The following LIMCH1 variants were observed in gnomAD, a reference collection of about 807,000 sequenced individuals.
The protein encoded by LIMCH1 is LIM and calponin homology domains 1.
Under a neutral mutation model 176.5 loss-of-function variants are expected in LIMCH1, and 113 were observed. That is an observed-to-expected ratio of 0.64 (90% CI 0.55 to 0.75). The LOEUF (loss-of-function observed/expected upper bound fraction) is 0.75, where lower values mean the gene tolerates loss of function less well. Among genes scored for constraint, LIMCH1 ranks in the 30% least tolerant of loss-of-function variants. LIMCH1 has a pLI of 0.00. For missense variants in LIMCH1, 1,674 were observed against 1,814.9 expected (o/e 0.92, Z 1.41); for synonymous variants, 619 against 645.9 (o/e 0.96, Z 0.63).
At chr4:41,413,609 A>G (rs543384073) in intron 1 of LIMCH1, among the ~76,000 whole-genome samples, 1 of 151,524 alleles carries the variant, frequency 6.6e-6, no homozygotes, top group East Asian at 1.9e-4. Flanking sequence ...GTGTCCTGGG[A>G]TAATAGATGT....
At chr4:41,531,554 T>TA (rs2077318704) in intron 3 of LIMCH1, among the ~76,000 whole-genome samples, 1 of 150,584 alleles carries the variant, frequency 6.6e-6, no homozygotes, top group African/African-American at 2.5e-5. Flanking sequence ...CAAACCTCTC[T>TA]ATGCCCAGTG....
chr4:41,479,463 A>G (rs2068237502), intron 1 of LIMCH1, among the ~76,000 whole-genome samples: 1 of 152,166 alleles, frequency 6.6e-6, no homozygotes, highest in Admixed American at 6.5e-5. Context: ...TGTGTTGCCC[A>G]GGCTCGTCGA....
chr4:41,431,148 G>A (rs992618895), intron 1 of LIMCH1, among the ~76,000 whole-genome samples: 15 of 152,188 alleles, frequency 9.9e-5, no homozygotes, highest in African/African-American at 3.6e-4. Flanking sequence ...TGGGTTATGG[G>A]TTGTGTCCTA....
intron 27 of LIMCH1, among the ~76,000 whole-genome samples, 177 bp downstream of exon 27, chr4:41,684,695 G>A (rs1271028977): frequency 6.6e-6 from 1 of 152,020 alleles, no homozygotes; most frequent in Non-Finnish European, 1.5e-5. Flanking sequence ...GACTCTATAG[G>A]AACTTGCTGG....
chr4:41,427,673 G>A (rs1581994363), intron 1 of LIMCH1, among the ~76,000 whole-genome samples: 1 of 152,168 alleles, frequency 6.6e-6, no homozygotes, highest in African/African-American at 2.4e-5. Context: ...CTTTTGCCAG[G>A]AGACCTTTGC....
intron 1 of LIMCH1, among the ~76,000 whole-genome samples, chr4:41,405,244 G>A (rs1197698253): frequency 6.6e-6 from 1 of 152,084 alleles, no homozygotes; most frequent in African/African-American, 2.4e-5. Flanking sequence ...AACTATCCCA[G>A]TCTATTAGCA....
intron 1 of LIMCH1, among the ~76,000 whole-genome samples, chr4:41,447,942 C>T (rs1245526050): frequency 6.6e-6 from 1 of 152,154 alleles, no homozygotes; most frequent in Non-Finnish European, 1.5e-5. Flanking sequence ...AGGCATGCAC[C>T]ACCACGCCTG....
chr4:41,409,857 G>C (rs1428260960), intron 1 of LIMCH1, among the ~76,000 whole-genome samples: 1 of 152,106 alleles, frequency 6.6e-6, no homozygotes, highest in Non-Finnish European at 1.5e-5. Context: ...GTCACAAGTT[G>C]ATTGAATTGA....
intron 1 of LIMCH1, among the ~76,000 whole-genome samples, chr4:41,587,612 T>C (rs2086709774): frequency 6.6e-6 from 1 of 152,164 alleles, no homozygotes; most frequent in Admixed American, 6.5e-5. Flanking sequence ...GTGGGTCAGC[T>C]GCATCCCCAC....
At chr4:41,375,524 T>C (rs1181919746) in intron 1 of LIMCH1, among the ~76,000 whole-genome samples, 1 of 152,260 alleles carries the variant, frequency 6.6e-6, no homozygotes, top group African/African-American at 2.4e-5. Flanking sequence ...TAAATTAAAG[T>C]ATCCAATACC....
intron 20 of LIMCH1, 150 bp downstream of exon 20, chr4:41,663,134 C>CGTGTGTGTGTGTGTGTGTGTGT (rs60475434): frequency 5.7e-5 from 23 of 406,562 alleles, no homozygotes; most frequent in African/African-American, 1.4e-4. Context: ...TTTTCTTTTT[C>CGTGTGTGTGTGTGTGTGTGTGT]GTGTGTGTGT....
intron 20 of LIMCH1, among the ~76,000 whole-genome samples, chr4:41,664,825 G>C (rs2094766271): frequency 2.6e-5 from 4 of 152,178 alleles, no homozygotes; most frequent in African/African-American, 9.7e-5. Context: ...GACTTCTTCA[G>C]TTTGTTCGTG....
In LIMCH1 at chr4:41,582,213, G is replaced by A. The variant is rs998812586; in HGVS notation, c.-240-16707G>A. Among the ~76,000 whole-genome samples, 5 of 152,304 alleles carry A rather than the reference G, an allele frequency of 3.3e-5. No homozygotes were observed. In the East Asian group the frequency reaches 7.7e-4, roughly 23 times the overall value. On this transcript the variant is annotated intron_variant, in intron 1 of 31. Coordinates refer to ENST00000503057, the MANE Select transcript of LIMCH1 (RefSeq NM_001330672.2). Reference sequence around the variant, plus strand: ...GGTAACTCATGGAATAATGGAAAACGAAGCCACAGGCTTTAACCGTAACCC... The same window carrying A: ...GGTAACTCATGGAATAATGGAAAACAAAGCCACAGGCTTTAACCGTAACCC...
intron 29 of LIMCH1, 45 bp from the exon 30 acceptor site, chr4:41,689,482 A>G: frequency 9.8e-7 from 1 of 1,020,708 alleles, no homozygotes. Flanking sequence ...TTGACCAGGT[A>G]TTCTAAACTG....
intron 21 of LIMCH1, chr4:41,670,600 C>A: frequency 1.6e-6 from 1 of 626,696 alleles, no homozygotes; most frequent in Non-Finnish European, 2.7e-6. Context: ...TTTACTGACT[C>A]TCAATTCTGG....
intron 1 of LIMCH1, among the ~76,000 whole-genome samples, chr4:41,395,009 G>C (rs1266247237): frequency 6.6e-6 from 1 of 152,174 alleles, no homozygotes; most frequent in East Asian, 1.9e-4. Context: ...CTGAACTGCA[G>C]ATGAATTTAA....
intron 1 of LIMCH1, among the ~76,000 whole-genome samples, chr4:41,421,330 A>G (rs1264338589): frequency 6.6e-6 from 1 of 152,130 alleles, no homozygotes; most frequent in Non-Finnish European, 1.5e-5. Flanking sequence ...GGAGAGAGAG[A>G]CTTAAGAGGT....
chr4:41,523,820 C>T (rs1252368341), intron 2 of LIMCH1, among the ~76,000 whole-genome samples: 2 of 152,088 alleles, frequency 1.3e-5, no homozygotes, highest in African/African-American at 4.8e-5. Flanking sequence ...ATCTTTTGTA[C>T]CTAGGGACTC....
chr4:41,421,108 A>G (rs1411511269), intron 1 of LIMCH1, among the ~76,000 whole-genome samples: 2 of 152,174 alleles, frequency 1.3e-5, no homozygotes, highest in African/African-American at 2.4e-5. Flanking sequence ...AGGGGTATTG[A>G]TATTCTGAAG....
Sources: allele counts gnomAD v4.1 joint callset (sites outside exome capture counted in the v4.1 genomes callset), GRCh38; gene constraint gnomAD v4.1.1; transcripts MANE v1.5; gene names NCBI Gene and HGNC (gene_info 2026-07-23, HGNC 2026-07-21).